KCNH5: variants seen among roughly 807,000 people sequenced by gnomAD.
KCNH5 encodes voltage-gated delayed rectifier potassium channel KCNH5.
Under a neutral mutation model 96.1 loss-of-function variants are expected in KCNH5, and 46 were observed. The ratio of observed to expected loss-of-function variants is 0.48; its 90% CI spans 0.38 to 0.61. The LOEUF is 0.61. Among genes scored for constraint, KCNH5 ranks in the 20% least tolerant of loss-of-function variants. The pLI is 0.00. For synonymous variants in KCNH5, 439 were observed against 449.8 expected (o/e 0.98, Z 0.30); for missense variants, 907 against 1,225.8 (o/e 0.74, Z 3.88).
intron 6 of KCNH5, among the ~76,000 whole-genome samples, chr14:62,959,569 A>T (rs533930819): frequency 1.3e-5 from 2 of 152,120 alleles, no homozygotes; most frequent in South Asian, 4.2e-4. Context: ...GTTGAAGTCA[A>T]ATTTATTTAT....
At chr14:63,015,153 A>C (rs946910557) in intron 2 of KCNH5, among the ~76,000 whole-genome samples, 2 of 152,092 alleles carry the variant, frequency 1.3e-5, no homozygotes, top group Non-Finnish European at 2.9e-5. Flanking sequence ...GCATAGATTA[A>C]GGAAGAGAAT....
At position 62,708,019 on chromosome 14, in the gene KCNH5, C is replaced by T. The variant is rs373106772; in HGVS notation, c.2456G>A (p.Gly819Glu). 1 of 1,614,174 alleles carries T rather than the reference C, an allele frequency of 6.2e-7. No individual in the cohort carries two copies. The highest frequency in any genetic ancestry group is 8.5e-7 in the Non-Finnish European group (1 of 1,180,044). ...KGWLRLKNNM[G>E]AHEEKKEDWN... ...GTCTTCCTTTTTCTCCTCATGGGCT[C>T]CCATATTATTCTTGAGTCGCAGCCA... The change falls in exon 11 of 11, where the codon GGA becomes GAA. Residue 819 changes from glycine (G) to glutamate (E), a missense_variant. Gly to Glu is a moderately conservative substitution (Grantham distance 98). This residue lies in a region of KCNH5 where 362 missense variants were observed against 394.4 expected (regional missense o/e 0.92). Transcript: ENST00000322893.
At chr14:62,781,455 C>G (rs1161624298) in intron 9 of KCNH5, among the ~76,000 whole-genome samples, 1 of 152,168 alleles carries the variant, frequency 6.6e-6, no homozygotes, top group East Asian at 1.9e-4. Context: ...CGGGAATTTC[C>G]TCTTCCTAAT....
chr14:62,921,210 T>C (rs2140108464), intron 7 of KCNH5, among the ~76,000 whole-genome samples: 1 of 152,218 alleles, frequency 6.6e-6, no homozygotes, highest in Non-Finnish European at 1.5e-5. Context: ...TTAAACACAG[T>C]TGCAGGAATG....
chr14:62,818,395 T>G (rs1401640747), intron 8 of KCNH5, among the ~76,000 whole-genome samples: 1 of 152,242 alleles, frequency 6.6e-6, no homozygotes, highest in African/African-American at 2.4e-5. Context: ...AAAAAATAAT[T>G]TTCTAACATA....
At chr14:62,929,736 ATGGGTATATTGTACCCAGGTAG>A (rs1467225328) in intron 7 of KCNH5, among the ~76,000 whole-genome samples, 2 of 151,136 alleles carry the variant, frequency 1.3e-5, no homozygotes, top group Non-Finnish European at 3.0e-5. Context: ...GATTTGTTAC[ATGGGTATATTGTACCCAGGTAG>A]TGAGCATAGT....
At chr14:63,010,296 G>A (rs1235890708) in intron 2 of KCNH5, among the ~76,000 whole-genome samples, 1 of 152,140 alleles carries the variant, frequency 6.6e-6, no homozygotes, top group Non-Finnish European at 1.5e-5. Context: ...AAAGGATAAT[G>A]CAAATAAAGT....
intron 7 of KCNH5, among the ~76,000 whole-genome samples, chr14:62,880,909 A>G (rs10135862): frequency 0.14 from 21,472 of 152,192 alleles, 1,736 homozygotes; most frequent in East Asian, 0.27. Flanking sequence ...TTTGGAACTA[A>G]CAAAGGTCCC....
intron 1 of KCNH5, among the ~76,000 whole-genome samples, chr14:63,039,813 A>G (rs2139632829): frequency 6.6e-6 from 1 of 152,170 alleles, no homozygotes; most frequent in Non-Finnish European, 1.5e-5. Context: ...TGCATGTCTT[A>G]CATTTTAGAT....
chr14:62,888,693 G>A (rs1888646113), intron 7 of KCNH5, among the ~76,000 whole-genome samples: 1 of 152,144 alleles, frequency 6.6e-6, no homozygotes, highest in African/African-American at 2.4e-5. Context: ...GCAAGTTTCT[G>A]TGCATATGTT....
At chr14:62,835,771 A>C (rs1435165077) in intron 8 of KCNH5, among the ~76,000 whole-genome samples, 2 of 151,940 alleles carry the variant, frequency 1.3e-5, no homozygotes, top group Admixed American at 6.6e-5. Flanking sequence ...AAGTTACAAG[A>C]AACAAAAATT....
At chr14:62,942,349 G>A (rs1013399711) in intron 7 of KCNH5, among the ~76,000 whole-genome samples, 5 of 152,226 alleles carry the variant, frequency 3.3e-5, no homozygotes, top group Non-Finnish European at 5.9e-5. Context: ...AGGGTCACAC[G>A]GGCCTTTGCT....
intron 6 of KCNH5, among the ~76,000 whole-genome samples, chr14:62,970,692 C>T (rs767238481): frequency 1.8e-4 from 28 of 152,046 alleles, no homozygotes; most frequent in Non-Finnish European, 3.4e-4. Context: ...AAAGCTGGTG[C>T]AACATTTGAG....
At chr14:62,748,056 G>A (rs969274170) in intron 10 of KCNH5, among the ~76,000 whole-genome samples, 2 of 152,102 alleles carry the variant, frequency 1.3e-5, no homozygotes, top group Non-Finnish European at 2.9e-5. Flanking sequence ...AAGGGGTCCC[G>A]ATCCAGACCC....
chr14:62,758,143 CAAA>C (rs57935686), intron 10 of KCNH5, among the ~76,000 whole-genome samples: 7 of 104,102 alleles, frequency 6.7e-5, no homozygotes, highest in Admixed American at 9.4e-5. Context: ...GACTCCATCT[CAAA>C]AAAAAAAAAA....
rs1884390298 is a variant in KCNH5 at position 62,704,258 on chromosome 14, C to T, written c.*3250G>A. ...TACTTAGGACATTTTTAGTCCTATA[C>T]TTAATGCAAGATGCAACTAGTGTCA... On this transcript the variant is annotated 3_prime_UTR_variant, in exon 11 of 11. Transcript: ENST00000322893. 1 of 151,814 alleles carries T rather than the reference C, an allele frequency of 6.6e-6. No individual in the cohort carries two copies. The highest frequency in any genetic ancestry group is 2.1e-4 in the South Asian group (1 of 4,834). The allele number at this position is 151,814 out of a possible 1,614,324, so 9.4% of individuals were successfully genotyped here.
Position 63,023,573 on chromosome 14 carries a change from T to C in KCNH5, c.74-6619A>G, listed in dbSNP as rs1322666684. Among the ~76,000 whole-genome samples the C allele has an allele frequency of 2.6e-5, 4 of 152,120 alleles. 1 individual carries two copies. Among genetic ancestry groups the C allele is most frequent in the Admixed American group, 1.3e-4 (2 of 15,268 alleles). ...CAGACAGAAAATCAATAATGAGACA[T>C]TGGACTTGAACTACACTTTAAACCA... is the stretch of plus-strand genomic sequence containing the variant. On this transcript the variant is annotated intron_variant, in intron 1 of 10. Coordinates refer to ENST00000322893, the MANE Select transcript of KCNH5 (RefSeq NM_139318.5).
intron 7 of KCNH5, among the ~76,000 whole-genome samples, chr14:62,942,815 G>A (rs776631997): frequency 1.3e-5 from 2 of 152,078 alleles, no homozygotes; most frequent in African/African-American, 4.8e-5. Context: ...TTAAACCCCA[G>A]CAATTTTTAT....
chr14:62,878,204 G>GGC (rs1555361460), intron 7 of KCNH5, among the ~76,000 whole-genome samples: 3 of 145,858 alleles, frequency 2.1e-5, no homozygotes, highest in African/African-American at 8.0e-5. Flanking sequence ...GTGGGGATGG[G>GGC]GGGGGGGGCG....
Sources: gnomAD v4.1 joint callset for allele counts (sites outside exome capture counted in the v4.1 genomes callset) on GRCh38, gnomAD v4.1.1 for gene constraint, gnomAD v4.1.1 regional missense constraint, MANE v1.5 for transcripts, NCBI Gene and HGNC (gene_info 2026-07-23, HGNC 2026-07-21) for gene names.